The following TRPM6 variants were observed in gnomAD, a reference collection of about 807,000 sequenced individuals.
TRPM6 encodes channel kinase 2.
Under a neutral mutation model 247.6 loss-of-function variants are expected in TRPM6, and 111 were observed. The ratio of observed to expected loss-of-function variants is 0.45; its 90% CI spans 0.38 to 0.52. The LOEUF is 0.52. Ranked by LOEUF, TRPM6 falls within the 20% of genes least tolerant of loss-of-function variation. The pLI is 0.00. For synonymous variants in TRPM6, 892 were observed against 853.8 expected (o/e 1.04, Z -0.78); for missense variants, 2,126 against 2,421.5 (o/e 0.88, Z 2.56).
intron 23 of TRPM6, among the ~76,000 whole-genome samples, chr9:74,777,563 A>G (rs2118903249): frequency 6.6e-6 from 1 of 152,298 alleles, no homozygotes; most frequent in South Asian, 2.1e-4. Context: ...TCCTTCTACT[A>G]AAATAGTTCA....
chr9:74,793,264 G>A (rs1032630964), intron 18 of TRPM6, among the ~76,000 whole-genome samples: 2 of 152,164 alleles, frequency 1.3e-5, no homozygotes, highest in Non-Finnish European at 2.9e-5. Context: ...AACACATGAG[G>A]TATTTCTGAA....
At chr9:74,843,578 G>T (rs1248011590) in intron 3 of TRPM6, among the ~76,000 whole-genome samples, 1 of 151,956 alleles carries the variant, frequency 6.6e-6, no homozygotes, top group Non-Finnish European at 1.5e-5. Context: ...GGAGGCCGAG[G>T]CGGGTGGATC....
At chr9:74,761,662 C>G in intron 27 of TRPM6, 34 bp downstream of exon 27, 1 of 1,411,366 alleles carries the variant, frequency 7.1e-7, no homozygotes. Context: ...CTTGACTGCT[C>G]AAAACCTAAA....
intron 24 of TRPM6, 32 bp downstream of exon 24, chr9:74,775,851 C>A: frequency 6.2e-7 from 1 of 1,611,954 alleles, no homozygotes; most frequent in South Asian, 1.1e-5. Flanking sequence ...ACTTTTTGCT[C>A]TCTTTCTCCT....
At chr9:74,850,141 G>A (rs1383129105) in intron 3 of TRPM6, among the ~76,000 whole-genome samples, 1 of 152,184 alleles carries the variant, frequency 6.6e-6, no homozygotes, top group Non-Finnish European at 1.5e-5. Context: ...GGAGGCCAAG[G>A]CGGGCGGATC....
chr9:74,809,258 T>G (rs895562038), intron 13 of TRPM6, among the ~76,000 whole-genome samples: 1 of 152,196 alleles, frequency 6.6e-6, no homozygotes, highest in Non-Finnish European at 1.5e-5. Flanking sequence ...TCCAAGTATG[T>G]GGGTCTTAGT....
intron 5 of TRPM6, among the ~76,000 whole-genome samples, chr9:74,835,568 C>A (rs1053443518): frequency 6.6e-6 from 1 of 152,102 alleles, no homozygotes; most frequent in Non-Finnish European, 1.5e-5. Flanking sequence ...CAGTAGCCAA[C>A]ACTTACTGGC....
At chr9:74,775,750 A>G in intron 24 of TRPM6, 133 bp downstream of exon 24, 2 of 911,064 alleles carry the variant, frequency 2.2e-6, no homozygotes, top group South Asian at 1.3e-5. Context: ...CCAGAGCATC[A>G]GCTGATATTC....
chr9:74,887,779 C>T (rs766577880), intron 1 of TRPM6, 45 bp downstream of exon 1: 14 of 1,613,924 alleles, frequency 8.7e-6, no homozygotes, highest in Non-Finnish European at 1.2e-5. Flanking sequence ...TCTAGCGAAT[C>T]GCCTAAGGTC....
intron 11 of TRPM6, 134 bp from the exon 12 acceptor site, chr9:74,812,567 A>AAG: frequency 5.3e-6 from 1 of 188,538 alleles, no homozygotes; most frequent in Non-Finnish European, 9.0e-6. Flanking sequence ...GTGGGTACAG[A>AAG]AAAAAAAAAA....
At chr9:74,833,362 A>G (rs1179352713) in intron 6 of TRPM6, among the ~76,000 whole-genome samples, 1 of 152,236 alleles carries the variant, frequency 6.6e-6, no homozygotes, top group Non-Finnish European at 1.5e-5. Flanking sequence ...TCCCTTTGAA[A>G]GAATACTTAG....
At chr9:74,879,005 T>A (rs1831276199) in intron 1 of TRPM6, among the ~76,000 whole-genome samples, 1 of 152,010 alleles carries the variant, frequency 6.6e-6, no homozygotes, top group South Asian at 2.1e-4. Context: ...AAAAATTTCT[T>A]TTTAATTTTA....
At chr9:74,867,490 G>A (rs187689224) in intron 1 of TRPM6, among the ~76,000 whole-genome samples, 34 of 152,274 alleles carry the variant, frequency 2.2e-4, no homozygotes, top group Non-Finnish European at 2.9e-4. Context: ...ATCTTAATGA[G>A]TAGATTCTAG....
rs539106370 is a variant in TRPM6 at position 74,819,265 on chromosome 9, C to T, written c.1134+1039G>A. ...TGGAGGTTGCAGCGAGCCAAGATCT[C>T]GCCACTGCACTCCAGCCTAGGTGAC... is the stretch of plus-strand genomic sequence containing the variant. On this transcript the variant is annotated intron_variant, in intron 9 of 38. Transcript: ENST00000360774. 4.6e-5 allele frequency among the ~76,000 whole-genome samples: 7 copies of T among 151,700 alleles called. No individual in the cohort carries two copies. In the South Asian group the frequency reaches 6.2e-4, roughly 14 times the overall value.
chr9:74,750,757 C>T lies in TRPM6; in HGVS notation c.4999-35G>A, dbSNP rs374541721. ...AGGGAAAGGCCGTTACGTGTGTGCT[C>T]AACATAGTCCCACCCCAAGTTTCTA... is the stretch of plus-strand genomic sequence containing the variant. On this transcript the variant is annotated intron_variant, in intron 29 of 38. Coordinates refer to ENST00000360774, the MANE Select transcript of TRPM6 (RefSeq NM_017662.5). The T allele has an allele frequency of 6.3e-6, 10 of 1,598,710 alleles. No homozygotes were observed. The African/African-American group carries it at 6.7e-5, about 11-fold the overall frequency.
At chr9:74,885,626 T>G (rs1455547638) in intron 1 of TRPM6, among the ~76,000 whole-genome samples, 1 of 152,132 alleles carries the variant, frequency 6.6e-6, no homozygotes. Context: ...TTACAGAAAA[T>G]AGTTGCCATG....
At chr9:74,855,062 T>G (rs1004227551) in intron 3 of TRPM6, among the ~76,000 whole-genome samples, 1 of 151,754 alleles carries the variant, frequency 6.6e-6, no homozygotes, top group East Asian at 1.9e-4. Flanking sequence ...TTAAGAAAAT[T>G]TCATTTCCTT....
chr9:74,863,447 T>G (rs988391020), intron 1 of TRPM6, among the ~76,000 whole-genome samples: 1 of 152,204 alleles, frequency 6.6e-6, no homozygotes, highest in Admixed American at 6.5e-5. Flanking sequence ...TTTTAGAGCA[T>G]TTCACATTTC....
rs760502712 is a variant in TRPM6 at position 74,818,324 on chromosome 9, CA to C, written c.1135-1361del. On this transcript the variant is annotated intron_variant, in intron 9 of 38. Transcript: ENST00000360774. Reference sequence around the variant, plus strand: ...TTTTTTTTTTTTTTTTTTTTTGAGACAGGGTTTTGCTCTTGTTGCCCAGGCT... The same window carrying C: ...TTTTTTTTTTTTTTTTTTTTTGAGACGGGTTTTGCTCTTGTTGCCCAGGCT... Among the ~76,000 whole-genome samples, 293 of 65,036 alleles carry C rather than the reference CA, an allele frequency of 4.5e-3. 4 individuals carry two copies. The highest frequency in any genetic ancestry group is 9.8e-3 in the South Asian group (19 of 1,930). The allele number at this position is 65,036 out of a possible 152,430, so 42.7% of individuals were successfully genotyped here.
Sources: gnomAD v4.1 joint callset for allele counts (sites outside exome capture counted in the v4.1 genomes callset) on GRCh38, gnomAD v4.1.1 for gene constraint, MANE v1.5 for transcripts, NCBI Gene and HGNC (gene_info 2026-07-23, HGNC 2026-07-21) for gene names.